The following KALRN variants were observed in gnomAD, a reference collection of about 807,000 sequenced individuals.
The protein encoded by KALRN is kalirin.
Under a neutral mutation model 353.7 loss-of-function variants are expected in KALRN, and 70 were observed. The ratio of observed to expected loss-of-function variants is 0.20; its 90% CI spans 0.16 to 0.24. The LOEUF is 0.24. Among genes scored for constraint, KALRN ranks in the 10% least tolerant of loss-of-function variants. KALRN has a pLI of 1.00. For synonymous variants in KALRN, 1,391 were observed against 1,434.8 expected (o/e 0.97, Z 0.69); for missense variants, 2,791 against 3,756.7 (o/e 0.74, Z 6.72).
intron 1 of KALRN, among the ~76,000 whole-genome samples, chr3:124,197,773 A>C (rs1479750119): frequency 6.6e-6 from 1 of 152,130 alleles, no homozygotes; most frequent in Non-Finnish European, 1.5e-5. Flanking sequence ...GAGCCTTCCT[A>C]TCTGTTTTTC....
rs10634082 is a variant in KALRN at position 124,110,469 on chromosome 3, G to GCGCGCACA, written c.73+76657_73+76658insGCGCACAC. ...ATATATTTCATATATACACACGCGC[G>GCGCGCACA]CACACACACACACACACACACACAC... On this transcript the variant is annotated intron_variant, in intron 1 of 59. Transcript: ENST00000682506. 1.6e-3 allele frequency among the ~76,000 whole-genome samples: 217 copies of GCGCGCACA among 134,046 alleles called. 3 individuals are homozygous for GCGCGCACA. The highest frequency in any genetic ancestry group is 4.0e-3 in the Middle Eastern group (1 of 252). The allele number at this position is 134,046 out of a possible 152,430, so 87.9% of individuals were successfully genotyped here.
At chr3:124,499,503 T>G (rs1214728823) in intron 33 of KALRN, among the ~76,000 whole-genome samples, 2 of 152,210 alleles carry the variant, frequency 1.3e-5, no homozygotes, top group Admixed American at 1.3e-4. Context: ...ACTGCACAAT[T>G]ATTTGGCAGA....
intron 25 of KALRN, among the ~76,000 whole-genome samples, chr3:124,466,580 G>T (rs533010214): frequency 6.6e-6 from 1 of 152,092 alleles, no homozygotes; most frequent in South Asian, 2.1e-4. Flanking sequence ...TTCCTTTTTG[G>T]TTTTTTGGAG....
At position 124,685,706 on chromosome 3, in the gene KALRN, G is replaced by A. The variant is rs75175273; in HGVS notation, c.7377+6189G>A. On this transcript the variant is annotated intron_variant, in intron 51 of 59. Transcript: ENST00000682506. The stretch of plus-strand genomic sequence containing the variant: ...TCAATGACTCAAGAGCCCAGCCAGA[G>A]CAACCAAGAAAGGAAGTCCAATTAC... 3.4e-3 allele frequency among the ~76,000 whole-genome samples: 519 copies of A among 152,300 alleles called. 4 individuals are homozygous for A. Among genetic ancestry groups the A allele is most frequent in the African/African-American group, 0.012 (488 of 41,556 alleles).
intron 13 of KALRN, among the ~76,000 whole-genome samples, chr3:124,405,695 G>A (rs1365576306): frequency 6.9e-6 from 1 of 145,046 alleles, no homozygotes; most frequent in Non-Finnish European, 1.5e-5. Context: ...CCAGGCTGGA[G>A]TGCAATGACA....
chr3:124,404,964 C>A (rs1013559978), intron 13 of KALRN, among the ~76,000 whole-genome samples: 1 of 152,178 alleles, frequency 6.6e-6, no homozygotes, highest in East Asian at 1.9e-4. Context: ...AACATTGCAA[C>A]TGTATCAAGA....
At position 124,264,731 on chromosome 3, in the gene KALRN, C is replaced by G. The variant is rs1256790247; in HGVS notation, c.456+41C>G. 2.6e-6 allele frequency: 4 copies of G among 1,536,656 alleles called. No individual in the cohort carries two copies. In the Admixed American group the frequency reaches 5.0e-5, roughly 19 times the overall value. On this transcript the variant is annotated intron_variant, in intron 4 of 59. Transcript: ENST00000682506. Reference sequence around the variant, plus strand: ...CTCTCTTAGCATCTTCTTTCCCTTCCCCTTCTGCCATCCACACATTTCTCA... The same window carrying G: ...CTCTCTTAGCATCTTCTTTCCCTTCGCCTTCTGCCATCCACACATTTCTCA...
chr3:124,655,586 T>C lies in KALRN; in HGVS notation c.5796-15T>C. 1 of 1,609,372 alleles carries C rather than the reference T, an allele frequency of 6.2e-7. No homozygotes were observed. The highest frequency in any genetic ancestry group is 8.5e-7 in the Non-Finnish European group (1 of 1,175,644). On this transcript the variant is annotated splice_polypyrimidine_tract_variant and intron_variant, in intron 38 of 59. Transcript: ENST00000682506. The stretch of plus-strand genomic sequence containing the variant: ...AATGAAGAGGAACACTCACTGTTCT[T>C]AATCTCCTGCTCAGGTTTGTCCTGA...
At chr3:124,221,471 G>A (rs1318842447) in intron 1 of KALRN, among the ~76,000 whole-genome samples, 1 of 152,112 alleles carries the variant, frequency 6.6e-6, no homozygotes, top group Non-Finnish European at 1.5e-5. Context: ...CAGTTAATGG[G>A]GAGTAAACGA....
intron 34 of KALRN, among the ~76,000 whole-genome samples, chr3:124,601,485 G>C (rs1259099408): frequency 1.3e-5 from 2 of 152,220 alleles, no homozygotes; most frequent in Non-Finnish European, 2.9e-5. Flanking sequence ...TTCAAAACAA[G>C]TTGCTGATCT....
chr3:124,337,207 G>T (rs1287462337), intron 9 of KALRN, among the ~76,000 whole-genome samples: 1 of 152,176 alleles, frequency 6.6e-6, no homozygotes, highest in Non-Finnish European at 1.5e-5. Flanking sequence ...GAATAGGAGT[G>T]GTGAGAGAGG....
intron 1 of KALRN, among the ~76,000 whole-genome samples, chr3:124,106,359 T>C (rs1224964899): frequency 6.6e-6 from 1 of 152,158 alleles, no homozygotes; most frequent in African/African-American, 2.4e-5. Flanking sequence ...CTTGGATAGG[T>C]GCTTACTGCT....
At chr3:124,127,419 A>T (rs1289717805) in intron 1 of KALRN, among the ~76,000 whole-genome samples, 1 of 152,088 alleles carries the variant, frequency 6.6e-6, no homozygotes, top group Non-Finnish European at 1.5e-5. Flanking sequence ...TCCAATATGT[A>T]CCTGTGTTTC....
intron 51 of KALRN, among the ~76,000 whole-genome samples, chr3:124,686,066 C>A (rs1214990190): frequency 6.6e-6 from 1 of 152,048 alleles, no homozygotes; most frequent in Admixed American, 6.6e-5. Flanking sequence ...AAGATTGGTT[C>A]CCATGCTTAA....
chr3:124,488,146 T>C lies in KALRN; in HGVS notation c.4285-58T>C, dbSNP rs150657308. 276 of 993,378 alleles carry C rather than the reference T, an allele frequency of 2.8e-4. 1 individual carries two copies. In the East Asian group the frequency reaches 6.1e-3, roughly 22 times the overall value. The allele number at this position is 993,378 out of a possible 1,614,324, so 61.5% of individuals were successfully genotyped here. A position where few individuals can be genotyped will look rare whatever the true frequency, so the allele number is the denominator to read the frequency against. ...TCTATAATTTCCTTGCTGGGTTAGG[T>C]GGTGGGAGGAAGCTGGGGGAGATGG... On this transcript the variant is annotated intron_variant, in intron 28 of 59. Coordinates refer to ENST00000682506, the MANE Select transcript of KALRN (RefSeq NM_001388419.1).
chr3:124,114,510 G>A (rs2063285084), intron 1 of KALRN, among the ~76,000 whole-genome samples: 1 of 152,186 alleles, frequency 6.6e-6, no homozygotes, highest in South Asian at 2.1e-4. Context: ...CTGGCATAGT[G>A]AAGACTTCGG....
At chr3:124,611,310 C>T (rs1291336992) in intron 34 of KALRN, among the ~76,000 whole-genome samples, 1 of 152,086 alleles carries the variant, frequency 6.6e-6, no homozygotes, top group East Asian at 1.9e-4. Context: ...GTCAACACAC[C>T]CTAGACCATA....
intron 10 of KALRN, among the ~76,000 whole-genome samples, chr3:124,358,955 G>C (rs1357563780): frequency 6.6e-6 from 1 of 152,140 alleles, no homozygotes; most frequent in Non-Finnish European, 1.5e-5. Context: ...TGGGGATCAG[G>C]CCTCATTTCC....
At chr3:124,479,646 T>C (rs2061763213) in intron 27 of KALRN, among the ~76,000 whole-genome samples, 1 of 151,854 alleles carries the variant, frequency 6.6e-6, no homozygotes, top group African/African-American at 2.4e-5. Flanking sequence ...AGTCACCTAA[T>C]ATCCATTACT....
Sources: gnomAD v4.1 joint callset for allele counts (sites outside exome capture counted in the v4.1 genomes callset) on GRCh38, gnomAD v4.1.1 for gene constraint, MANE v1.5 for transcripts, NCBI Gene and HGNC (gene_info 2026-07-23, HGNC 2026-07-21) for gene names.